NRROS: variants seen among roughly 807,000 people sequenced by gnomAD.
NRROS encodes transforming growth factor beta activator LRRC33.
NRROS carries 6 observed loss-of-function variants against 12.0 expected under a neutral mutation model. The observed-to-expected ratio is 0.50, with a 90% CI of 0.27 to 0.98. NRROS has a LOEUF of 0.98. Ranked by LOEUF, NRROS falls within the 50% of genes least tolerant of loss-of-function variation. NRROS has a pLI of 0.11. For synonymous variants in NRROS, 462 were observed against 410.2 expected, an observed-to-expected ratio of 1.13 and a Z score of -1.53; for missense variants, 857 against 888.2, an observed-to-expected ratio of 0.96 and a Z score of 0.45.
intron 1 of NRROS, among the ~76,000 whole-genome samples, chr3:196,650,377 C>G (rs1737400902): frequency 6.6e-6 from 1 of 152,156 alleles, no homozygotes. Context: ...CTCCTGACCT[C>G]AGGTGATCCA....
At chr3:196,658,373 G>A (rs959712680) in intron 2 of NRROS, among the ~76,000 whole-genome samples, 13 of 152,166 alleles carry the variant, frequency 8.5e-5, no homozygotes, top group Non-Finnish European at 4.4e-5. Flanking sequence ...AAGAGTTGAG[G>A]TTTCCATATG....
At position 196,661,421 on chromosome 3, in the gene NRROS, A is replaced by G; in HGVS notation, c.1778A>G (p.Gln593Arg). The G allele has an allele frequency of 6.3e-7, 1 of 1,579,022 alleles. No individual in the cohort carries two copies. Residue 593 changes from glutamine to arginine, a missense_variant, in exon 3 of 3, where the codon CAG becomes CGG. Physicochemically the swap from Gln to Arg is conservative, Grantham distance 43. Coordinates refer to ENST00000328557, the MANE Select transcript of NRROS (RefSeq NM_198565.3). ...GGTCTGCGGACCATCTACCTCAGTC[A>G]GAATCCATATGACTGCTGTGGGGTG... ...SRGLRTIYLSQNPYDCCGVDG... is the reference protein window; with the variant it reads ...SRGLRTIYLSRNPYDCCGVDG...
Position 196,660,075 on chromosome 3 carries a change from G to A in NRROS, c.432G>A (p.Leu144=), listed in dbSNP as rs752218185. 38 of 1,613,162 alleles carry A rather than the reference G, an allele frequency of 2.4e-5. No individual in the cohort carries two copies. Among genetic ancestry groups the A allele is most frequent in the Non-Finnish European group, 3.2e-5 (38 of 1,179,968 alleles). ...GGCTGGACTTGTCAGGAAACGCCCT[G>A]ACGGAGGACATGGCAGCCCTCATGC... ...LRRLDLSGNA[L]TEDMAALMLQ... Residue 144 remains leucine (L), a synonymous_variant, in exon 3 of 3, where the codon CTG becomes CTA. Coordinates refer to ENST00000328557, the MANE Select transcript of NRROS (RefSeq NM_198565.3). This position sits in a 1 kb window ranked among gnomAD's most constrained non-coding sequence, Gnocchi z 7.7.
rs758743417 is a variant in NRROS at position 196,654,569 on chromosome 3, G to A, written c.30G>A (p.Leu10=). 9.3e-6 allele frequency: 15 copies of A among 1,613,920 alleles called. No homozygotes were observed. The highest frequency in any genetic ancestry group is 1.3e-5 in the African/African-American group (1 of 74,916). MELLPLWLC[L]GFHFLTVGWR... The stretch of plus-strand genomic sequence containing the variant: ...AGTTGCTGCCTCTTTGGCTCTGCCT[G>A]GGTTTTCACTTCCTGACCGTGGGCT... Residue 10 remains leucine (L), a synonymous_variant, in exon 2 of 3, where the codon CTG becomes CTA. Coordinates refer to ENST00000328557, the MANE Select transcript of NRROS (RefSeq NM_198565.3). This position sits in a 1 kb window ranked among gnomAD's most constrained non-coding sequence, Gnocchi z 4.4.
At position 196,654,486 on chromosome 3, in the gene NRROS, GTCCT is replaced by G; in HGVS notation, c.-13-38_-13-35del. On this transcript the variant is annotated intron_variant, in intron 1 of 2. Coordinates refer to ENST00000328557, the MANE Select transcript of NRROS (RefSeq NM_198565.3). This position sits in a 1 kb window ranked among gnomAD's most constrained non-coding sequence, Gnocchi z 4.4. ...GATAATACAAACAGCCCTCTGGGAT[GTCCT>G]TCTCTGACTTACCTCTTCCCTGCTC... The G allele has an allele frequency of 8.5e-7, 1 of 1,172,048 alleles. No individual in the cohort carries two copies. Among genetic ancestry groups the G allele is most frequent in the Non-Finnish European group, 1.3e-6 (1 of 775,954 alleles). The allele number at this position is 1,172,048 out of a possible 1,614,324, so 72.6% of individuals were successfully genotyped here.
intron 1 of NRROS, among the ~76,000 whole-genome samples, chr3:196,645,956 C>T (rs1687927306): frequency 6.6e-6 from 1 of 152,262 alleles, no homozygotes; most frequent in Admixed American, 6.5e-5. Flanking sequence ...TTGATTAATA[C>T]ACCTCTTTGT....
At chr3:196,653,944 G>T (rs545712980) in intron 1 of NRROS, among the ~76,000 whole-genome samples, 2 of 152,008 alleles carry the variant, frequency 1.3e-5, no homozygotes, top group Non-Finnish European at 2.9e-5. Flanking sequence ...TGTTTCCCCC[G>T]TCCAAGCAAA....
chr3:196,658,955 G>GT (rs1438418844), intron 2 of NRROS, among the ~76,000 whole-genome samples: 2 of 152,150 alleles, frequency 1.3e-5, no homozygotes, highest in African/African-American at 2.4e-5. Context: ...GGGTGACAGG[G>GT]TAAGACTTCA....
intron 2 of NRROS, among the ~76,000 whole-genome samples, chr3:196,659,362 GC>G (rs1181361018): frequency 6.9e-6 from 1 of 145,304 alleles, no homozygotes; most frequent in Non-Finnish European, 1.5e-5. Flanking sequence ...GTGCAGTGGT[GC>G]AGTGGTGCAG....
At chr3:196,642,024 T>G (rs1313356021) in intron 1 of NRROS, among the ~76,000 whole-genome samples, 3 of 152,244 alleles carry the variant, frequency 2.0e-5, no homozygotes, top group Admixed American at 2.0e-4. Context: ...AACTTCTTTA[T>G]TATACTCACT....
rs766172393 is a variant in NRROS, at chr3:196,659,833, C to T, written c.190C>T (p.Leu64=). 2 of 1,614,090 alleles carry T rather than the reference C, an allele frequency of 1.2e-6. No individual in the cohort carries two copies. Among genetic ancestry groups the T allele is most frequent in the Non-Finnish European group, 1.7e-6 (2 of 1,179,964 alleles). The change falls in exon 3 of 3, where the codon CTG becomes TTG. Residue 64 remains leucine (L), a synonymous_variant. Coordinates refer to ENST00000328557, the MANE Select transcript of NRROS (RefSeq NM_198565.3). ...CCCGCCCCACGCCCGGATGCTCACC[C>T]TGGATGCCAACCCTCTCAAGACCCT... ...SLPPHARMLT[L]DANPLKTLWN... is the part of the protein sequence containing the mutation.
chr3:196,659,663 G>A, intron 2 of NRROS, 89 bp from the exon 3 acceptor site: 9 of 1,358,058 alleles, frequency 6.6e-6, no homozygotes, highest in Non-Finnish European at 9.0e-6. Flanking sequence ...GGCGGTTGCA[G>A]GGACAGTCTG....
At chr3:196,658,925 A>G (rs751279561) in intron 2 of NRROS, among the ~76,000 whole-genome samples, 8 of 152,090 alleles carry the variant, frequency 5.3e-5, no homozygotes, top group Non-Finnish European at 1.2e-4. Flanking sequence ...AGCTGAGATC[A>G]CACCATTGCA....
At chr3:196,656,829 C>T (rs996136445) in intron 2 of NRROS, among the ~76,000 whole-genome samples, 1 of 152,138 alleles carries the variant, frequency 6.6e-6, no homozygotes, top group Non-Finnish European at 1.5e-5. Flanking sequence ...TCCTGTGGCT[C>T]TTCCGAGTTG....
intron 1 of NRROS, among the ~76,000 whole-genome samples, chr3:196,640,086 C>T (rs551392197): frequency 1.7e-4 from 26 of 152,332 alleles, no homozygotes; most frequent in African/African-American, 6.0e-4. Flanking sequence ...GAAATACCTC[C>T]CTCCAGGAGC....
intron 1 of NRROS, among the ~76,000 whole-genome samples, chr3:196,648,174 A>G (rs1000483444): frequency 1.3e-5 from 2 of 152,240 alleles, no homozygotes; most frequent in African/African-American, 4.8e-5. Context: ...TGAGTACTTT[A>G]AAACTTACAG....
At chr3:196,657,762 G>A (rs1036663509) in intron 2 of NRROS, among the ~76,000 whole-genome samples, 2 of 151,186 alleles carry the variant, frequency 1.3e-5, no homozygotes, top group African/African-American at 4.9e-5. Flanking sequence ...TAATTATAAT[G>A]CAATCCCAAT....
intron 1 of NRROS, among the ~76,000 whole-genome samples, chr3:196,650,187 G>A (rs534693616): frequency 6.6e-6 from 1 of 152,306 alleles, no homozygotes; most frequent in East Asian, 1.9e-4. Context: ...TCGCTCTGCT[G>A]CCCAGGTTGG....
At chr3:196,646,965 C>T (rs1276398117) in intron 1 of NRROS, among the ~76,000 whole-genome samples, 1 of 152,192 alleles carries the variant, frequency 6.6e-6, no homozygotes, top group Non-Finnish European at 1.5e-5. Context: ...TTACACTTTC[C>T]TTTCCTTGAT....
Sources: gnomAD v4.1 joint callset for allele counts (sites outside exome capture counted in the v4.1 genomes callset) on GRCh38, gnomAD v4.1.1 for gene constraint, Gnocchi (gnomAD v3.1) non-coding constraint, MANE v1.5 for transcripts, NCBI Gene and HGNC (gene_info 2026-07-23, HGNC 2026-07-21) for gene names.